SIK3: variants seen among roughly 807,000 people sequenced by gnomAD.
SIK3 encodes serine/threonine-protein kinase SIK3.
SIK3 carries 28 observed loss-of-function variants against 144.2 expected under a neutral mutation model. The ratio of observed to expected loss-of-function variants is 0.19; its 90% CI spans 0.14 to 0.27. The LOEUF is 0.27. Among genes scored for constraint, SIK3 ranks in the 10% least tolerant of loss-of-function variants. The pLI is 1.00. For missense variants in SIK3, 1,319 were observed against 1,776.0 expected (o/e 0.74, Z 4.62); for synonymous variants, 686 against 676.3 (o/e 1.01, Z -0.22).
At chr11:116,876,890 G>C in intron 7 of SIK3, 34 bp downstream of exon 7, 1 of 1,556,622 alleles carries the variant, frequency 6.4e-7, no homozygotes, top group Non-Finnish European at 8.9e-7. Flanking sequence ...GCAGCTTTCA[G>C]AGGAGTCCCC....
At chr11:116,929,350 AC>A (rs776024904) in intron 3 of SIK3, among the ~76,000 whole-genome samples, 4 of 152,210 alleles carry the variant, frequency 2.6e-5, no homozygotes, top group Non-Finnish European at 5.9e-5. Flanking sequence ...TGGCCAAGCT[AC>A]CCATTAATTA....
In SIK3 at chr11:117,095,470, T is replaced by C. The variant is rs75878244; in HGVS notation, c.273+2673A>G. Among the ~76,000 whole-genome samples the C allele has an allele frequency of 8.8e-3, 1,335 of 152,200 alleles. 8 individuals carry two copies. Among genetic ancestry groups the C allele is most frequent in the Non-Finnish European group, 0.013 (913 of 68,000 alleles). On this transcript the variant is annotated intron_variant, in intron 1 of 24. Transcript: ENST00000445177. ...AAATGACCCCTCTGCAGAAGTAAGATAAAGGCTGCAGTGCATGGGGAGAAA... is the reference window on the plus strand; with the variant it reads ...AAATGACCCCTCTGCAGAAGTAAGACAAAGGCTGCAGTGCATGGGGAGAAA...
chr11:116,900,132 G>A (rs1262951846), intron 4 of SIK3, among the ~76,000 whole-genome samples: 3 of 152,054 alleles, frequency 2.0e-5, no homozygotes, highest in African/African-American at 7.3e-5. Context: ...ATACTTGCTT[G>A]GGAAGAAACA....
At chr11:116,945,239 G>A (rs966448930) in intron 3 of SIK3, among the ~76,000 whole-genome samples, 4 of 152,038 alleles carry the variant, frequency 2.6e-5, no homozygotes, top group Non-Finnish European at 4.4e-5. Context: ...GATTACAGGC[G>A]TGAGCACAAC....
intron 1 of SIK3, among the ~76,000 whole-genome samples, chr11:117,093,810 T>C (rs1379683706): frequency 6.6e-6 from 1 of 152,156 alleles, no homozygotes; most frequent in African/African-American, 2.4e-5. Flanking sequence ...AACTTTTTTT[T>C]TACCAGGAAA....
In SIK3 at chr11:117,034,553, T is replaced by G. The variant is rs535941594; in HGVS notation, c.273+63590A>C. Among the ~76,000 whole-genome samples the G allele has an allele frequency of 3.9e-5, 6 of 152,266 alleles. No individual in the cohort carries two copies. In the South Asian group the frequency reaches 1.2e-3, roughly 32 times the overall value. On this transcript the variant is annotated intron_variant, in intron 1 of 24. Transcript: ENST00000445177. ...AACATAATGAGATCAGTACTGGTGG[T>G]TAAGAAAAGAGTAACACCAAAAACT...
At chr11:116,847,641 C>A in intron 22 of SIK3, 33 bp from the exon 23 acceptor site, 2 of 1,612,928 alleles carry the variant, frequency 1.2e-6, no homozygotes, top group Admixed American at 1.7e-5. Context: ...GAAATAAGCA[C>A]ACAAGACACC....
In SIK3 at chr11:117,048,798, G is replaced by A. The variant is rs79252750; in HGVS notation, c.273+49345C>T. ...TGAATTTAAGAGTGTCAGAACCCAC[G>A]TCCTTTAAAATACTTCATGACTAGC... is the stretch of plus-strand genomic sequence containing the variant. On this transcript the variant is annotated intron_variant, in intron 1 of 24. Coordinates refer to ENST00000445177, the MANE Select transcript of SIK3 (RefSeq NM_001366686.3). 4.0e-3 allele frequency among the ~76,000 whole-genome samples: 606 copies of A among 151,786 alleles called. 4 individuals carry two copies. The highest frequency in any genetic ancestry group is 0.01 in the Middle Eastern group (3 of 292).
At chr11:116,997,935 T>C (rs1950723727) in intron 1 of SIK3, among the ~76,000 whole-genome samples, 3 of 152,254 alleles carry the variant, frequency 2.0e-5, no homozygotes, top group African/African-American at 4.8e-5. Context: ...TCATAGCTCA[T>C]TGCAGCTTTA....
chr11:116,993,579 T>A (rs949840800), intron 1 of SIK3, among the ~76,000 whole-genome samples: 1 of 152,176 alleles, frequency 6.6e-6, no homozygotes, highest in African/African-American at 2.4e-5. Context: ...GAGGAGCAGA[T>A]ATTTAGGAAA....
intron 1 of SIK3, among the ~76,000 whole-genome samples, chr11:116,975,837 G>A (rs1054353625): frequency 2.0e-5 from 3 of 152,142 alleles, no homozygotes; most frequent in African/African-American, 7.2e-5. Context: ...CACCAGCAAT[G>A]CCAGAAAGTT....
intron 3 of SIK3, among the ~76,000 whole-genome samples, chr11:116,929,554 G>A (rs79157715): frequency 0.073 from 11,035 of 152,146 alleles, 493 homozygotes; most frequent in Middle Eastern, 0.11. Flanking sequence ...ACTGTTATAC[G>A]GGCCAGAAGC....
In SIK3 at chr11:116,847,694, G is replaced by C; in HGVS notation, c.3820-86C>G. 1.9e-6 allele frequency: 3 copies of C among 1,577,516 alleles called. No homozygotes were observed. In the East Asian group the frequency reaches 6.7e-5, roughly 35 times the overall value. On this transcript the variant is annotated intron_variant, in intron 22 of 24. Coordinates refer to ENST00000445177, the MANE Select transcript of SIK3 (RefSeq NM_001366686.3). Reference sequence around the variant, plus strand: ...AGAGACAGCTGGTCCTTCTGAAGGAGCCCAGGCAAAAGACAGCCCGGGGCC... The same window carrying C: ...AGAGACAGCTGGTCCTTCTGAAGGACCCCAGGCAAAAGACAGCCCGGGGCC...
chr11:117,037,312 G>A (rs1952549434), intron 1 of SIK3, among the ~76,000 whole-genome samples: 2 of 152,018 alleles, frequency 1.3e-5, no homozygotes, highest in African/African-American at 4.8e-5. Flanking sequence ...GGTAAACCAG[G>A]GAAAAATCAA....
intron 1 of SIK3, among the ~76,000 whole-genome samples, chr11:117,046,430 A>G (rs76313359): frequency 0.047 from 7,114 of 152,310 alleles, 553 homozygotes; most frequent in African/African-American, 0.16. Context: ...GGGGGGAAAA[A>G]GGTGTCTCCT....
intron 1 of SIK3, among the ~76,000 whole-genome samples, chr11:117,014,802 C>T (rs1951450150): frequency 6.6e-6 from 1 of 152,170 alleles, no homozygotes; most frequent in African/African-American, 2.4e-5. Context: ...GGGTAGTTCA[C>T]ACCTGGAATC....
intron 4 of SIK3, among the ~76,000 whole-genome samples, chr11:116,916,085 C>T (rs1219341240): frequency 1.3e-5 from 2 of 152,136 alleles, no homozygotes; most frequent in African/African-American, 4.8e-5. Flanking sequence ...GTCATTATCA[C>T]TTTGTATGAC....
Position 116,935,716 on chromosome 11 carries a change from C to T in SIK3, c.455-8336G>A, listed in dbSNP as rs1055879895. 9.2e-5 allele frequency among the ~76,000 whole-genome samples: 14 copies of T among 152,284 alleles called. No individual in the cohort carries two copies. The South Asian group carries it at 2.7e-3, about 29-fold the overall frequency. ...TCTAATCAGATCCTAGTATAACCTG[C>T]ATGCTCCAAGTCAACAGAGGTACCT... On this transcript the variant is annotated intron_variant, in intron 3 of 24. Transcript: ENST00000445177.
At chr11:117,008,264 C>T (rs921073096) in intron 1 of SIK3, among the ~76,000 whole-genome samples, 2 of 152,012 alleles carry the variant, frequency 1.3e-5, no homozygotes, top group African/African-American at 4.8e-5. Context: ...ATGCTAAGCA[C>T]TTTCATCTGA....
Sources: gnomAD v4.1 joint callset for allele counts (sites outside exome capture counted in the v4.1 genomes callset) on GRCh38, gnomAD v4.1.1 for gene constraint, MANE v1.5 for transcripts, NCBI Gene and HGNC (gene_info 2026-07-23, HGNC 2026-07-21) for gene names.